Variants in DOCK7 observed in about 807,000 individuals in gnomAD.
The protein encoded by DOCK7 is dedicator of cytokinesis protein 7.
DOCK7 carries 138 observed loss-of-function variants against 271.0 expected under a neutral mutation model. The observed-to-expected ratio is 0.51, with a 90% CI of 0.44 to 0.59. The LOEUF (loss-of-function observed/expected upper bound fraction) is 0.59. Among genes scored for constraint, DOCK7 ranks in the 20% least tolerant of loss-of-function variants. The pLI, the probability that DOCK7 is intolerant of heterozygous loss-of-function variation, is 0.00. For synonymous variants in DOCK7, 823 were observed against 876.1 expected, an observed-to-expected ratio of 0.94 and a Z score of 1.07; for missense variants, 2,066 against 2,592.4, an observed-to-expected ratio of 0.80 and a Z score of 4.41.
chr1:62,595,611 CACAATGAA>C (rs769353630), intron 14 of DOCK7, among the ~76,000 whole-genome samples: 15 of 152,136 alleles, frequency 9.9e-5, no homozygotes, highest in Non-Finnish European at 1.8e-4. Context: ...CTCTATTTTA[CACAATGAA>C]GAGGCATTTC....
chr1:62,535,968 T>C (rs183179968), intron 28 of DOCK7, among the ~76,000 whole-genome samples: 17 of 152,288 alleles, frequency 1.1e-4, no homozygotes, highest in African/African-American at 4.1e-4. Flanking sequence ...TAAATCCAAA[T>C]GACATAGTAT....
chr1:62,644,356 G>C (rs190096839), intron 7 of DOCK7, among the ~76,000 whole-genome samples: 156 of 152,272 alleles, frequency 1.0e-3, no homozygotes, highest in African/African-American at 3.6e-3. Flanking sequence ...CAGAGCCGAA[G>C]TTGCAGCAAA....
At chr1:62,566,787 AATCT>A (rs1238334021) in intron 18 of DOCK7, among the ~76,000 whole-genome samples, 3 of 152,230 alleles carry the variant, frequency 2.0e-5, no homozygotes, top group Admixed American at 1.3e-4. Flanking sequence ...AAATTTTTGC[AATCT>A]ATCTATCTGA....
chr1:62,631,262 TG>T lies in DOCK7; in HGVS notation c.1259del (p.Thr420LysfsTer3). 6.2e-7 allele frequency: 1 copy of T among 1,608,272 alleles called. No homozygotes were observed. Among genetic ancestry groups the T allele is most frequent in the Non-Finnish European group, 8.5e-7 (1 of 1,178,174 alleles). On this transcript the variant is annotated frameshift_variant, in exon 11 of 50. Transcript: ENST00000635253. LOFTEE classifies it high-confidence loss of function. ...TACCTCCAGTACTGATTTCTACTTCTGTAGAATCTCTTTCCAAACTCCCAGC... is the reference window on the plus strand; with the variant it reads ...TACCTCCAGTACTGATTTCTACTTCTTAGAATCTCTTTCCAAACTCCCAGC... ...SSAGSLERDS[T>X]EVEISTGERK... is the part of the protein sequence containing the mutation.
intron 8 of DOCK7, among the ~76,000 whole-genome samples, chr1:62,636,049 G>A (rs891003007): frequency 2.0e-5 from 3 of 152,324 alleles, no homozygotes; most frequent in Middle Eastern, 3.4e-3. Context: ...TCAGAAGATC[G>A]AGATCATCCT....
chr1:62,572,235 G>A (rs933646624), intron 18 of DOCK7, among the ~76,000 whole-genome samples: 11 of 152,102 alleles, frequency 7.2e-5, no homozygotes, highest in African/African-American at 2.4e-4. Flanking sequence ...AGGTAATTTC[G>A]ATTCATGCTA....
chr1:62,553,123 C>A lies in DOCK7; in HGVS notation c.2597-222G>T, dbSNP rs1386173679. ...GATCTTGGCTCACTGCAACCTCTGC[C>A]TCCCGGGTTCAAGCAATTCTCCTGC... On this transcript the variant is annotated intron_variant, in intron 21 of 49. Coordinates refer to ENST00000635253, the MANE Select transcript of DOCK7 (RefSeq NM_001367561.1). Among the ~76,000 whole-genome samples, 4 of 138,762 alleles carry A rather than the reference C, an allele frequency of 2.9e-5. No individual in the cohort carries two copies. In the East Asian group the frequency reaches 8.2e-4, roughly 28 times the overall value. 91.0% of individuals were successfully genotyped at this position (138,762 alleles called of 152,430 possible).
intron 28 of DOCK7, 132 bp downstream of exon 28, chr1:62,537,759 A>G: frequency 2.6e-6 from 2 of 778,210 alleles, no homozygotes; most frequent in Non-Finnish European, 3.9e-6. Flanking sequence ...AATGACTTTT[A>G]ATACTTACAA....
chr1:62,663,904 T>C (rs1338325533), intron 1 of DOCK7, among the ~76,000 whole-genome samples: 1 of 152,200 alleles, frequency 6.6e-6, no homozygotes, highest in Non-Finnish European at 1.5e-5. Context: ...AAGGCTAACT[T>C]CCTATTCATA....
At chr1:62,458,905 A>C (rs1019469112) in intron 48 of DOCK7, 7 of 151,886 alleles carry the variant, frequency 4.6e-5, no homozygotes, top group African/African-American at 1.7e-4. Context: ...GGACCCTGAC[A>C]GACAATGAAG....
intron 14 of DOCK7, among the ~76,000 whole-genome samples, chr1:62,598,291 T>C (rs1383687455): frequency 6.6e-6 from 1 of 151,992 alleles, no homozygotes; most frequent in Non-Finnish European, 1.5e-5. Flanking sequence ...TATATGAAAA[T>C]TACAAATCGG....
intron 6 of DOCK7, 92 bp from the exon 7 acceptor site, chr1:62,647,868 T>G: frequency 1.0e-6 from 1 of 1,003,792 alleles, no homozygotes; most frequent in Non-Finnish European, 1.5e-6. Context: ...TCTAACACTT[T>G]TAGTCTTCAC....
intron 7 of DOCK7, among the ~76,000 whole-genome samples, chr1:62,642,689 T>C (rs930348420): frequency 6.6e-6 from 1 of 152,222 alleles, no homozygotes; most frequent in Non-Finnish European, 1.5e-5. Flanking sequence ...CCTCATAAAC[T>C]AGACTCTATT....
At chr1:62,575,444 G>C (rs1267879950) in intron 18 of DOCK7, among the ~76,000 whole-genome samples, 4 of 152,082 alleles carry the variant, frequency 2.6e-5, no homozygotes, top group African/African-American at 7.2e-5. Context: ...TGTGCCTTAT[G>C]ATTTTCTTAA....
chr1:62,662,812 T>A (rs1658823572), intron 2 of DOCK7, among the ~76,000 whole-genome samples: 1 of 152,086 alleles, frequency 6.6e-6, no homozygotes, highest in Admixed American at 6.5e-5. Context: ...ATTGATTAAA[T>A]CCTGACTATA....
chr1:62,582,269 G>C (rs1000264196), intron 16 of DOCK7, among the ~76,000 whole-genome samples: 12 of 152,088 alleles, frequency 7.9e-5, no homozygotes, highest in African/African-American at 2.7e-4. Context: ...TTATAAAAGA[G>C]GCCGGGCGCG....
intron 1 of DOCK7, among the ~76,000 whole-genome samples, chr1:62,680,173 C>T (rs1324231052): frequency 6.6e-6 from 1 of 152,170 alleles, no homozygotes; most frequent in East Asian, 1.9e-4. Context: ...CAGCATGGTA[C>T]TGGTACCAAA....
chr1:62,635,888 T>C (rs1343728400), intron 8 of DOCK7, among the ~76,000 whole-genome samples: 3 of 152,070 alleles, frequency 2.0e-5, no homozygotes, highest in East Asian at 3.9e-4. Context: ...GTGCTGCAAT[T>C]ACAGATGTGA....
chr1:62,517,739 A>G (rs969452484), intron 31 of DOCK7, among the ~76,000 whole-genome samples: 2 of 152,336 alleles, frequency 1.3e-5, no homozygotes, highest in Admixed American at 1.3e-4. Flanking sequence ...GGAGCAACAA[A>G]TATTTCTTCA....
Sources: allele counts gnomAD v4.1 joint callset (sites outside exome capture counted in the v4.1 genomes callset), GRCh38; gene constraint gnomAD v4.1.1; transcripts MANE v1.5; gene names NCBI Gene and HGNC (gene_info 2026-07-23, HGNC 2026-07-21).